Variants in NUP85 observed in about 807,000 individuals in gnomAD.
The protein encoded by NUP85 is nuclear pore complex protein Nup85.
A neutral mutation model predicts 92.8 loss-of-function variants in NUP85; 23 were observed. The ratio of observed to expected loss-of-function variants is 0.25; its 90% CI spans 0.18 to 0.35. NUP85 has a LOEUF of 0.35. Among genes scored for constraint, NUP85 ranks in the 10% least tolerant of loss-of-function variants. NUP85 has a pLI of 1.00. For synonymous variants in NUP85, 314 were observed against 306.9 expected (o/e 1.02, Z -0.24); for missense variants, 759 against 822.8 (o/e 0.92, Z 0.95).
chr17:75,224,995 T>A (rs538478114), intron 7 of NUP85, 108 bp from the exon 8 acceptor site: 1 of 1,112,494 alleles, frequency 9.0e-7, no homozygotes, highest in South Asian at 1.6e-5. Flanking sequence ...AAGAAGCCTG[T>A]GTGTGAAGAG....
In NUP85 at chr17:75,205,715, G is replaced by C. The variant is rs745863338; in HGVS notation, c.-47G>C. On this transcript the variant is annotated 5_prime_UTR_variant, in exon 1 of 19. Coordinates refer to ENST00000245544, the MANE Select transcript of NUP85 (RefSeq NM_024844.5). ...AGCTCTGAGCGGGAGGCCTGAGCGG[G>C]AAGCATTGGCGTCCGAGCGACTTCT... The C allele has an allele frequency of 2.4e-5, 39 of 1,613,228 alleles. No individual in the cohort carries two copies. Among genetic ancestry groups the C allele is most frequent in the Non-Finnish European group, 3.3e-5 (39 of 1,179,298 alleles).
chr17:75,234,614 T>G (rs1384332434), intron 16 of NUP85, 23 bp from the exon 17 acceptor site: 2 of 1,612,888 alleles, frequency 1.2e-6, no homozygotes, highest in Admixed American at 1.7e-5. Context: ...TGCAGGTTAC[T>G]CAGTGCTCTT....
At chr17:75,208,382 T>A in intron 1 of NUP85, 145 bp from the exon 2 acceptor site, 1 of 644,576 alleles carries the variant, frequency 1.6e-6, no homozygotes, top group East Asian at 2.6e-5. Flanking sequence ...GAGGCGGCGA[T>A]TGGAGCAAGC....
rs559739427 is a variant in NUP85, at chr17:75,231,224, G to C, written c.1095-116G>C. 1.0e-6 allele frequency: 1 copy of C among 962,704 alleles called. No homozygotes were observed. The highest frequency in any genetic ancestry group is 1.6e-6 in the Non-Finnish European group (1 of 609,632). The allele number at this position is 962,704 out of a possible 1,614,324, so 59.6% of individuals were successfully genotyped here. On this transcript the variant is annotated intron_variant, in intron 11 of 18. Transcript: ENST00000245544. This position sits in a 1 kb window ranked among gnomAD's most constrained non-coding sequence, Gnocchi z 4.6. The stretch of plus-strand genomic sequence containing the variant: ...GATCACGGGCATGAGCTATCATCAC[G>C]CCCGGCCCCATCTCTTTGAGGGACA...
At position 75,225,246 on chromosome 17, in the gene NUP85, G is replaced by A. The variant is rs1243953595; in HGVS notation, c.732+9G>A. On this transcript the variant is annotated intron_variant, in intron 8 of 18. Coordinates refer to ENST00000245544, the MANE Select transcript of NUP85 (RefSeq NM_024844.5). ...CAATGCCCATTCTTAGTGTACGTGG[G>A]GGTAGCTTTGCTCTGCTGGGTCACA... 6.2e-7 allele frequency: 1 copy of A among 1,605,028 alleles called. No homozygotes were observed. The highest frequency in any genetic ancestry group is 1.7e-5 in the Admixed American group (1 of 59,606).
At chr17:75,225,615 G>C in intron 9 of NUP85, 83 bp from the exon 10 acceptor site, 2 of 1,585,864 alleles carry the variant, frequency 1.3e-6, no homozygotes, top group East Asian at 2.2e-5. Context: ...TTGAAATCCG[G>C]TGCCCTTAGC....
At chr17:75,226,285 C>A in intron 11 of NUP85, 128 bp downstream of exon 11, 1 of 675,720 alleles carries the variant, frequency 1.5e-6, no homozygotes, top group Non-Finnish European at 2.6e-6. Flanking sequence ...GTCCATCTCA[C>A]GCTGATATTA....
chr17:75,225,025 G>A, intron 7 of NUP85, 78 bp from the exon 8 acceptor site: 2 of 1,432,788 alleles, frequency 1.4e-6, no homozygotes, highest in Admixed American at 4.8e-5. Context: ...CAAAGTGTGG[G>A]GTGAGGGGAC....
At chr17:75,229,600 G>A (rs1007980309) in intron 11 of NUP85, among the ~76,000 whole-genome samples, 17 of 152,168 alleles carry the variant, frequency 1.1e-4, no homozygotes, top group African/African-American at 3.6e-4. Context: ...GAGTGTGTGC[G>A]TGTGTGATCT....
chr17:75,222,712 A>G (rs1024123205), intron 7 of NUP85, among the ~76,000 whole-genome samples: 5 of 151,952 alleles, frequency 3.3e-5, no homozygotes, highest in African/African-American at 9.7e-5. Context: ...TTTGGAGACA[A>G]CTTACTTGAC....
rs764319125 is a variant in NUP85, at chr17:75,209,849, C to T, written c.154C>T (p.Pro52Ser). ...AAAATCAGAGATGGTGCCAAGTTGC[C>T]CCTTTATCTATATCATCCGTAAGGA... ...KEKSEMVPSCPFIYIIRKDVD... is the reference protein window; with the variant it reads ...KEKSEMVPSCSFIYIIRKDVD... The change falls in exon 3 of 19, where the codon CCC (proline) becomes TCC (serine). Residue 52 changes from proline to serine, a missense_variant. Coordinates refer to ENST00000245544, the MANE Select transcript of NUP85 (RefSeq NM_024844.5). The T allele has an allele frequency of 2.5e-6, 4 of 1,573,240 alleles. No individual in the cohort carries two copies. The highest frequency in any genetic ancestry group is 4.7e-5 in the East Asian group (2 of 42,562).
chr17:75,221,172 G>A (rs923377615), intron 7 of NUP85, among the ~76,000 whole-genome samples: 3 of 151,870 alleles, frequency 2.0e-5, no homozygotes, highest in East Asian at 1.9e-4. Flanking sequence ...GAGCCGCCAC[G>A]CCCGGCTAAC....
At chr17:75,214,202 A>T (rs2075359894) in intron 5 of NUP85, among the ~76,000 whole-genome samples, 1 of 152,118 alleles carries the variant, frequency 6.6e-6, no homozygotes, top group Admixed American at 6.6e-5. Context: ...CTGGAAGATG[A>T]CTTACAGTAT....
chr17:75,226,096 CT>C lies in NUP85; in HGVS notation c.1034del (p.Leu345ArgfsTer16), dbSNP rs1568085261. The C allele has an allele frequency of 1.2e-6, 2 of 1,614,156 alleles. No homozygotes were observed. The highest frequency in any genetic ancestry group is 3.3e-5 in the Admixed American group (2 of 60,008). On this transcript the variant is annotated frameshift_variant, in exon 11 of 19. Transcript: ENST00000245544. LOFTEE classifies it high-confidence loss of function. Reference sequence around the variant, plus strand: ...GGGAGGTGAGAGCAGCCCAGAACCCCTGGACAACATCTTGTTGGCAGCCTTT... The same window carrying C: ...GGGAGGTGAGAGCAGCCCAGAACCCCGGACAACATCTTGTTGGCAGCCTTT... Reference protein sequence around the residue: ...FLGGESSPEPLDNILLAAFEF... With the variant: ...FLGGESSPEPXDNILLAAFEF...
intron 1 of NUP85, among the ~76,000 whole-genome samples, chr17:75,206,170 T>TGTGTG (rs1223647482): frequency 6.6e-6 from 1 of 152,216 alleles, no homozygotes; most frequent in Non-Finnish European, 1.5e-5. Context: ...ATTGAGCTTC[T>TGTGTG]GCCTGTGTGG....
At chr17:75,230,355 G>GT (rs772970563) in intron 11 of NUP85, among the ~76,000 whole-genome samples, 12 of 11,480 alleles carry the variant, frequency 1.0e-3, no homozygotes, top group South Asian at 0.013. Context: ...TGTACAACAT[G>GT]TTTTTTGTTT....
chr17:75,211,876 C>A, intron 3 of NUP85, 116 bp from the exon 4 acceptor site: 1 of 781,494 alleles, frequency 1.3e-6, no homozygotes, highest in Non-Finnish European at 2.1e-6. Context: ...GGAGCTCCTT[C>A]ACAACGGCTC....
chr17:75,211,939 TG>T, intron 3 of NUP85, 52 bp from the exon 4 acceptor site: 1 of 1,362,580 alleles, frequency 7.3e-7, no homozygotes, highest in Non-Finnish European at 1.0e-6. Flanking sequence ...CCTTCCTTTG[TG>T]GCACTACAAG....
In NUP85 at chr17:75,225,432, G is replaced by A. The variant is rs61760968; in HGVS notation, c.823G>A (p.Ala275Thr). ...GCGGTACCTCCAGGACAGCACATTC[G>A]CCACCAGCCCTCACCTGGAGTCTCT... is the stretch of plus-strand genomic sequence containing the variant. ...CERYLQDSTF[A>T]TSPHLESLLK... Residue 275 changes from alanine (A) to threonine (T), a missense_variant, in exon 9 of 19, where the codon GCC (alanine) becomes ACC (threonine). By Grantham distance (58) the Ala-to-Thr change is moderately conservative. Coordinates refer to ENST00000245544, the MANE Select transcript of NUP85 (RefSeq NM_024844.5). The A allele has an allele frequency of 6.5e-3, 10,432 of 1,613,930 alleles. 37 individuals carry two copies. The highest frequency in any genetic ancestry group is 7.5e-3 in the Non-Finnish European group (8,817 of 1,180,006).
Sources: gnomAD v4.1 joint callset for allele counts (sites outside exome capture counted in the v4.1 genomes callset) on GRCh38, gnomAD v4.1.1 for gene constraint, Gnocchi (gnomAD v3.1) non-coding constraint, MANE v1.5 for transcripts, NCBI Gene and HGNC (gene_info 2026-07-23, HGNC 2026-07-21) for gene names.